DOCK2: variants seen among roughly 807,000 people sequenced by gnomAD.
The protein encoded by DOCK2 is dedicator of cytokinesis 2.
A neutral mutation model predicts 248.9 loss-of-function variants in DOCK2; 87 were observed. The observed-to-expected ratio is 0.35, with a 90% CI of 0.29 to 0.42. The LOEUF (loss-of-function observed/expected upper bound fraction) is 0.42. Ranked by LOEUF, DOCK2 falls within the 10% of genes least tolerant of loss-of-function variation. DOCK2 has a pLI of 1.00. For synonymous variants in DOCK2, 805 were observed against 821.6 expected (o/e 0.98, Z 0.35); for missense variants, 1,747 against 2,300.2 (o/e 0.76, Z 4.92).
At chr5:169,679,430 T>C (rs996062998) in intron 6 of DOCK2, among the ~76,000 whole-genome samples, 5 of 152,200 alleles carry the variant, frequency 3.3e-5, no homozygotes, top group Admixed American at 1.3e-4. Context: ...ATGAGAGTCC[T>C]GTCAATCCTA....
At chr5:169,833,176 TTA>T (rs1245832399) in intron 26 of DOCK2, among the ~76,000 whole-genome samples, 59 of 152,336 alleles carry the variant, frequency 3.9e-4, no homozygotes, top group African/African-American at 1.3e-3. Context: ...TTTTGAAACC[TTA>T]GACATTTACA....
intron 26 of DOCK2, among the ~76,000 whole-genome samples, chr5:169,805,542 G>T (rs1308918209): frequency 6.6e-6 from 1 of 152,210 alleles, no homozygotes; most frequent in African/African-American, 2.4e-5. Flanking sequence ...CAGTTTGGGG[G>T]ATCCAGTTAT....
chr5:170,068,261 A>G (rs1442133438), intron 45 of DOCK2, among the ~76,000 whole-genome samples: 2 of 152,244 alleles, frequency 1.3e-5, no homozygotes, highest in Non-Finnish European at 2.9e-5. Context: ...AGCATCACTT[A>G]TATGAGTTAC....
At chr5:170,047,639 C>A (rs1581555291) in intron 40 of DOCK2, 25 bp downstream of exon 40, 3 of 1,605,318 alleles carry the variant, frequency 1.9e-6, no homozygotes, top group Non-Finnish European at 2.6e-6. Context: ...GACTTGGACA[C>A]CAGGCGAGAG....
At chr5:169,821,521 A>G (rs1476497796) in intron 26 of DOCK2, among the ~76,000 whole-genome samples, 1 of 152,152 alleles carries the variant, frequency 6.6e-6, no homozygotes, top group Admixed American at 6.5e-5. Context: ...AGCCAAACTA[A>G]GCTTCATAAG....
chr5:169,830,018 T>A (rs1769120539), intron 26 of DOCK2, among the ~76,000 whole-genome samples: 1 of 152,250 alleles, frequency 6.6e-6, no homozygotes, highest in East Asian at 1.9e-4. Flanking sequence ...ATAGGATCCC[T>A]GATGTGGGGA....
At chr5:170,081,722 A>G in intron 50 of DOCK2, 120 bp from the exon 51 acceptor site, 1 of 1,176,648 alleles carries the variant, frequency 8.5e-7, no homozygotes, top group East Asian at 2.6e-5. Flanking sequence ...TGCTTGGCAC[A>G]TACAATGTGT....
chr5:169,926,134 A>G (rs543989029), intron 27 of DOCK2, among the ~76,000 whole-genome samples: 8 of 152,182 alleles, frequency 5.3e-5, no homozygotes, highest in Non-Finnish European at 1.2e-4. Context: ...CTGGGAAGCC[A>G]GTCAGGCCAA....
At chr5:169,803,030 A>T in intron 25 of DOCK2, 28 bp from the exon 26 acceptor site, 1 of 1,609,130 alleles carries the variant, frequency 6.2e-7, no homozygotes, top group South Asian at 1.1e-5. Flanking sequence ...GAGGAATTCT[A>T]CACTACTCTG....
intron 27 of DOCK2, among the ~76,000 whole-genome samples, chr5:169,978,995 T>G (rs1283315698): frequency 6.6e-6 from 1 of 152,178 alleles, no homozygotes; most frequent in African/African-American, 2.4e-5. Context: ...CTCCCTGGAA[T>G]TCTGTTTTAA....
intron 27 of DOCK2, among the ~76,000 whole-genome samples, chr5:169,871,563 G>C (rs1277189316): frequency 2.0e-5 from 3 of 152,198 alleles, no homozygotes; most frequent in Non-Finnish European, 2.9e-5. Flanking sequence ...ATTCTGCCAA[G>C]GGCATGTAAA....
chr5:169,904,042 G>A (rs1200887637), intron 27 of DOCK2, among the ~76,000 whole-genome samples: 2 of 146,324 alleles, frequency 1.4e-5, no homozygotes, highest in South Asian at 2.2e-4. Flanking sequence ...GCAGTGAGCC[G>A]AGATCGTTCC....
At position 169,652,101 on chromosome 5, in the gene DOCK2, C is replaced by T. The variant is rs550482860; in HGVS notation, c.44-2302C>T. ...AGGGACCATTATTTCTTGCATTCTACAGTCAGAGGAACTGAGGCTTAGGGA... is the reference window on the plus strand; with the variant it reads ...AGGGACCATTATTTCTTGCATTCTATAGTCAGAGGAACTGAGGCTTAGGGA... On this transcript the variant is annotated intron_variant, in intron 1 of 51. Transcript: ENST00000520908. Among the ~76,000 whole-genome samples, 11 of 152,370 alleles carry T rather than the reference C, an allele frequency of 7.2e-5. No individual in the cohort carries two copies. The South Asian group carries it at 1.2e-3, about 17-fold the overall frequency.
intron 27 of DOCK2, among the ~76,000 whole-genome samples, chr5:169,842,836 G>C (rs942758164): frequency 7.2e-5 from 11 of 152,076 alleles, no homozygotes; most frequent in African/African-American, 2.7e-4. Flanking sequence ...ATCAACATAG[G>C]CAAGTAACTA....
chr5:170,063,079 C>T (rs1325672630), intron 44 of DOCK2, among the ~76,000 whole-genome samples: 1 of 152,058 alleles, frequency 6.6e-6, no homozygotes, highest in Non-Finnish European at 1.5e-5. Flanking sequence ...ATTCTAAACA[C>T]CTTAGCTCTG....
At chr5:169,974,836 CT>C in intron 27 of DOCK2, among the ~76,000 whole-genome samples, 1 of 150,646 alleles carries the variant, frequency 6.6e-6, no homozygotes, top group Non-Finnish European at 1.5e-5. Flanking sequence ...TGTGACCCCC[CT>C]CCCCCCGACA....
intron 1 of DOCK2, among the ~76,000 whole-genome samples, chr5:169,641,004 C>CA (rs1757114450): frequency 6.6e-6 from 1 of 152,228 alleles, no homozygotes; most frequent in African/African-American, 2.4e-5. Context: ...GTGTCTCCCC[C>CA]AGCTGCCAGT....
At chr5:169,782,122 G>C (rs576137867) in intron 25 of DOCK2, among the ~76,000 whole-genome samples, 1 of 152,118 alleles carries the variant, frequency 6.6e-6, no homozygotes, top group Admixed American at 6.6e-5. Context: ...AAAATTTGTG[G>C]TATTTCAGGG....
At chr5:169,904,198 C>A (rs1774141093) in intron 27 of DOCK2, among the ~76,000 whole-genome samples, 1 of 151,868 alleles carries the variant, frequency 6.6e-6, no homozygotes, top group African/African-American at 2.4e-5. Flanking sequence ...ACTGACCTAG[C>A]CTTTGGCAAG....
Sources: gnomAD v4.1 joint callset for allele counts (sites outside exome capture counted in the v4.1 genomes callset) on GRCh38, gnomAD v4.1.1 for gene constraint, MANE v1.5 for transcripts, NCBI Gene and HGNC (gene_info 2026-07-23, HGNC 2026-07-21) for gene names.